Variants in ATF6B observed in about 807,000 individuals in gnomAD.
ATF6B encodes the protein cyclic AMP-dependent transcription factor ATF-6 beta.
In ATF6B, 50 loss-of-function variants were observed where a neutral mutation model predicts 83.5. That is an observed-to-expected ratio of 0.60 (90% CI 0.48 to 0.76). The LOEUF (loss-of-function observed/expected upper bound fraction) is 0.76. Among genes scored for constraint, ATF6B ranks in the 30% least tolerant of loss-of-function variants. The probability of loss-of-function intolerance (pLI) is 0.00; values close to 1 mark genes in which losing one functional copy is unlikely to be tolerated. For missense variants in ATF6B, 790 were observed against 893.8 expected (o/e 0.88, Z 1.48); for synonymous variants, 344 against 362.8 (o/e 0.95, Z 0.59).
chr6:32,127,473 C>T lies in ATF6B; in HGVS notation c.219G>A (p.Glu73=), dbSNP rs1782031271. ...AGATCGGCAGGAGTTCCCATGGGGGCTCAGAGGGGCTGACATCCATCCCCA... is the reference window on the plus strand; with the variant it reads ...AGATCGGCAGGAGTTCCCATGGGGGTTCAGAGGGGCTGACATCCATCCCCA... ...LDVGMDVSPS[E]PPWELLPIFP... is the part of the protein sequence containing the mutation. The change falls in exon 3 of 18, where the codon GAG becomes GAA. Residue 73 remains glutamate (E), a synonymous_variant. Transcript: ENST00000375203. 6.2e-7 allele frequency: 1 copy of T among 1,613,214 alleles called. No individual in the cohort carries two copies.
At chr6:32,121,195 C>G (rs527760444) in intron 6 of ATF6B, 68 bp downstream of exon 6, 2 of 1,609,192 alleles carry the variant, frequency 1.2e-6, no homozygotes, top group East Asian at 4.5e-5. Context: ...GAAGGGAAAG[C>G]TCTCATACCT....
chr6:32,116,382 G>T lies in ATF6B; in HGVS notation c.1882+98C>A. On this transcript the variant is annotated intron_variant, in intron 17 of 17. Coordinates refer to ENST00000375203, the MANE Select transcript of ATF6B (RefSeq NM_004381.5). The surrounding 1 kb of genome is among the most constrained non-coding windows in gnomAD (Gnocchi z 5.1). ...CTGCTTCTCACCTGTGGGTCCAGCA[G>T]CTCTCTGGATGCCCTGCTCCTCTCC... 2 of 1,180,660 alleles carry T rather than the reference G, an allele frequency of 1.7e-6. No individual in the cohort carries two copies. The highest frequency in any genetic ancestry group is 1.2e-6 in the Non-Finnish European group (1 of 836,880). The allele number at this position is 1,180,660 out of a possible 1,614,324, so 73.1% of individuals were successfully genotyped here. A position where few individuals can be genotyped will look rare whatever the true frequency, so the allele number is the denominator to read the frequency against.
At chr6:32,127,779 C>G in intron 1 of ATF6B, 29 bp from the exon 2 acceptor site, 2 of 1,610,022 alleles carry the variant, frequency 1.2e-6, no homozygotes, top group Non-Finnish European at 1.7e-6. Flanking sequence ...GTCGGGGGGT[C>G]GTTCGGTGGC....
rs1261559117 is a variant in ATF6B, at chr6:32,125,924, G to A, written c.478+193C>T. The A allele has an allele frequency of 5.8e-6, 4 of 687,058 alleles. No individual in the cohort carries two copies. Among genetic ancestry groups the A allele is most frequent in the Non-Finnish European group, 9.5e-6 (4 of 419,868 alleles). The allele number at this position is 687,058 out of a possible 1,614,324, so 42.6% of individuals were successfully genotyped here. A position where few individuals can be genotyped will look rare whatever the true frequency, so the allele number is the denominator to read the frequency against. Reference sequence around the variant, plus strand: ...AAATAATATCCATCTCCTCAGCACTGCCCTTGCTGTGGTTCCCTGAAATGT... The same window carrying A: ...AAATAATATCCATCTCCTCAGCACTACCCTTGCTGTGGTTCCCTGAAATGT... On this transcript the variant is annotated intron_variant, in intron 5 of 17. Transcript: ENST00000375203. This position sits in a 1 kb window ranked among gnomAD's most constrained non-coding sequence, Gnocchi z 4.1.
chr6:32,127,331 G>T, intron 3 of ATF6B, 111 bp downstream of exon 3: 2 of 1,323,480 alleles, frequency 1.5e-6, no homozygotes, highest in Admixed American at 2.3e-5. Context: ...AAGGAGAGAG[G>T]ATAGGCACTT....
chr6:32,120,223 C>A, intron 8 of ATF6B: 1 of 248,416 alleles, frequency 4.0e-6, no homozygotes, highest in East Asian at 9.8e-5. Flanking sequence ...TCAGCCTCCC[C>A]AGCAGCTGGA....
Position 32,125,955 on chromosome 6 carries a change from C to T in ATF6B, c.478+162G>A. On this transcript the variant is annotated intron_variant, in intron 5 of 17. Transcript: ENST00000375203. The surrounding 1 kb of genome is among the most constrained non-coding windows in gnomAD (Gnocchi z 4.1). The stretch of plus-strand genomic sequence containing the variant: ...GCTGTGGTTCCCTGAAATGTTTCCT[C>T]TCCTTCCTGCCTTCCCTCCTGGTTT... The T allele has an allele frequency of 5.9e-6, 6 of 1,025,202 alleles. No individual in the cohort carries two copies. Among genetic ancestry groups the T allele is most frequent in the Non-Finnish European group, 8.4e-6 (6 of 713,340 alleles). 63.5% of individuals were successfully genotyped at this position (1,025,202 alleles called of 1,614,324 possible). A position where few individuals can be genotyped will look rare whatever the true frequency, so the allele number is the denominator to read the frequency against.
chr6:32,116,040 G>A lies in ATF6B; in HGVS notation c.1883-72C>T. 1 of 1,187,794 alleles carries A rather than the reference G, an allele frequency of 8.4e-7. No individual in the cohort carries two copies. The highest frequency in any genetic ancestry group is 1.2e-6 in the Non-Finnish European group (1 of 825,798). The allele number at this position is 1,187,794 out of a possible 1,614,324, so 73.6% of individuals were successfully genotyped here. On this transcript the variant is annotated intron_variant, in intron 17 of 17. Coordinates refer to ENST00000375203, the MANE Select transcript of ATF6B (RefSeq NM_004381.5). This position sits in a 1 kb window ranked among gnomAD's most constrained non-coding sequence, Gnocchi z 5.1. ...GGGATTGCAGGGAGGAGGGGAGGAGGTCAGAAAAGTAGAGGTGAGCAGAGA... is the reference window on the plus strand; with the variant it reads ...GGGATTGCAGGGAGGAGGGGAGGAGATCAGAAAAGTAGAGGTGAGCAGAGA...
intron 5 of ATF6B, among the ~76,000 whole-genome samples, chr6:32,124,025 G>A (rs569823062): frequency 1.6e-4 from 24 of 152,252 alleles, no homozygotes; most frequent in African/African-American, 5.5e-4. Context: ...CATGAAAGAA[G>A]CCCTGTCTCT....
chr6:32,124,650 C>T (rs558693893), intron 5 of ATF6B, among the ~76,000 whole-genome samples: 2 of 152,322 alleles, frequency 1.3e-5, no homozygotes, highest in South Asian at 2.1e-4. Context: ...TTCCACATCA[C>T]TCCCCAAATC....
rs1781564431 is a variant in ATF6B, at chr6:32,117,163, C to T, written c.1615-56G>A. 2 of 1,588,474 alleles carry T rather than the reference C, an allele frequency of 1.3e-6. No homozygotes were observed. The highest frequency in any genetic ancestry group is 1.7e-6 in the Non-Finnish European group (2 of 1,159,028). ...AGGGTGAAGGGAAAAGGGAAAGAGA[C>T]AAACAGCCCCTGGAAGCTGATGCCA... is the stretch of plus-strand genomic sequence containing the variant. On this transcript the variant is annotated intron_variant, in intron 14 of 17. Coordinates refer to ENST00000375203, the MANE Select transcript of ATF6B (RefSeq NM_004381.5). The surrounding 1 kb of genome is among the most constrained non-coding windows in gnomAD (Gnocchi z 5.0).
chr6:32,116,722 A>G lies in ATF6B; in HGVS notation c.1779T>C (p.Tyr593=), dbSNP rs1781543067. 1 of 1,614,126 alleles carries G rather than the reference A, an allele frequency of 6.2e-7. No homozygotes were observed. The highest frequency in any genetic ancestry group is 8.5e-7 in the Non-Finnish European group (1 of 1,179,974). Residue 593 remains tyrosine (Y), a synonymous_variant, in exon 16 of 18, where the codon TAT becomes TAC. Transcript: ENST00000375203. The surrounding 1 kb of genome is among the most constrained non-coding windows in gnomAD (Gnocchi z 5.1). ...DAIDRREDTF[Y]VVSFRRDHLL... ...AACTCACCCTTCGGAAAGAGACAACATAAAATGTGTCTTCCCGTCGGTCAA... is the reference window on the plus strand; with the variant it reads ...AACTCACCCTTCGGAAAGAGACAACGTAAAATGTGTCTTCCCGTCGGTCAA...
Position 32,118,644 on chromosome 6 carries a change from T to TC in ATF6B, c.1244+130dup, listed in dbSNP as rs1469069482. 1 of 858,102 alleles carries TC rather than the reference T, an allele frequency of 1.2e-6. No homozygotes were observed. The highest frequency in any genetic ancestry group is 1.7e-5 in the African/African-American group (1 of 59,236). 53.2% of individuals were successfully genotyped at this position (858,102 alleles called of 1,614,324 possible). A position where few individuals can be genotyped will look rare whatever the true frequency, so the allele number is the denominator to read the frequency against. ...AGCAGGAAGGGGCTGGCCAGACACATCATCGGTGCCAAGGACACCAGAACC... is the reference window on the plus strand; with the variant it reads ...AGCAGGAAGGGGCTGGCCAGACACATCCATCGGTGCCAAGGACACCAGAACC... On this transcript the variant is annotated intron_variant, in intron 11 of 17. Coordinates refer to ENST00000375203, the MANE Select transcript of ATF6B (RefSeq NM_004381.5). The surrounding 1 kb of genome is among the most constrained non-coding windows in gnomAD (Gnocchi z 5.2).
rs775787047 is a variant in ATF6B at position 32,116,003 on chromosome 6, G to C, written c.1883-35C>G. 2 of 1,558,006 alleles carry C rather than the reference G, an allele frequency of 1.3e-6. No individual in the cohort carries two copies. The highest frequency in any genetic ancestry group is 1.8e-6 in the Non-Finnish European group (2 of 1,135,278). On this transcript the variant is annotated intron_variant, in intron 17 of 17. Transcript: ENST00000375203. The surrounding 1 kb of genome is among the most constrained non-coding windows in gnomAD (Gnocchi z 5.1). ...GGGGAGAGTTAAGGAAGAGGAGATG[G>C]GGAGGCAAACAGGGATTGCAGGGAG... is the stretch of plus-strand genomic sequence containing the variant.
chr6:32,128,132 C>A lies in ATF6B; in HGVS notation c.76G>T (p.Asp26Tyr). Reference protein sequence around the residue: ...FFTDNLLSPEDWGLQNSTLYS... With the variant: ...FFTDNLLSPEYWGLQNSTLYS... ...GGTGCCTCACTCTGCAGACCCCAGT[C>A]CTCCGGGCTAAGCAGGTTGTCGGTG... Residue 26 changes from aspartate to tyrosine, a missense_variant, in exon 1 of 18, where the codon GAC becomes TAC. Coordinates refer to ENST00000375203, the MANE Select transcript of ATF6B (RefSeq NM_004381.5). The A allele has an allele frequency of 6.2e-7, 1 of 1,613,406 alleles. No individual in the cohort carries two copies. The highest frequency in any genetic ancestry group is 1.1e-5 in the South Asian group (1 of 91,082).
In ATF6B at chr6:32,119,994, T is replaced by C; in HGVS notation, c.833-37A>G. 6.3e-7 allele frequency: 1 copy of C among 1,598,422 alleles called. No homozygotes were observed. The highest frequency in any genetic ancestry group is 8.5e-7 in the Non-Finnish European group (1 of 1,171,326). ...GAGCAGAGGTCAGAGGGCTGTGCGC[T>C]GGGTGGGGTCCTTGTGTCCACACCC... On this transcript the variant is annotated intron_variant, in intron 8 of 17. Transcript: ENST00000375203. The surrounding 1 kb of genome is among the most constrained non-coding windows in gnomAD (Gnocchi z 4.9).
chr6:32,120,447 C>G (rs562310226), intron 8 of ATF6B: 8 of 149,856 alleles, frequency 5.3e-5, no homozygotes, highest in African/African-American at 1.6e-4. Flanking sequence ...TTTGGTTTTT[C>G]TTTTTTCTTT....
chr6:32,127,223 G>A (rs755272420), intron 3 of ATF6B, 29 bp from the exon 4 acceptor site: 4 of 1,576,768 alleles, frequency 2.5e-6, no homozygotes, highest in Non-Finnish European at 3.5e-6. Context: ...GAAATTATCA[G>A]GAAGCAGAGC....
Position 32,126,058 on chromosome 6 carries a change from C to CACACATA in ATF6B, c.478+52_478+58dup, listed in dbSNP as rs1182024394. 7 of 1,604,482 alleles carry CACACATA rather than the reference C, an allele frequency of 4.4e-6. No homozygotes were observed. The African/African-American group carries it at 9.3e-5, about 21-fold the overall frequency. ...CCCTCCATCTACACACATACACACA[C>CACACATA]ACACATAACACATTCTCCCGTAGTA... On this transcript the variant is annotated intron_variant, in intron 5 of 17. Coordinates refer to ENST00000375203, the MANE Select transcript of ATF6B (RefSeq NM_004381.5).
Sources: gnomAD v4.1 joint callset for allele counts (sites outside exome capture counted in the v4.1 genomes callset) on GRCh38, gnomAD v4.1.1 for gene constraint, Gnocchi (gnomAD v3.1) non-coding constraint, MANE v1.5 for transcripts, NCBI Gene and HGNC (gene_info 2026-07-23, HGNC 2026-07-21) for gene names.